The following NPAS3 variants were observed in gnomAD, a reference collection of about 807,000 sequenced individuals.
The protein encoded by NPAS3 is neuronal PAS domain protein 3.
NPAS3 carries 14 observed loss-of-function variants against 73.1 expected under a neutral mutation model. The observed-to-expected ratio is 0.19, with a 90% CI of 0.13 to 0.30. The LOEUF (loss-of-function observed/expected upper bound fraction) is 0.30, where lower values mean the gene tolerates loss of function less well. NPAS3 is among the 10% of genes least tolerant of loss of function. The pLI, the probability that NPAS3 is intolerant of heterozygous loss-of-function variation, is 1.00. For synonymous variants in NPAS3, 620 were observed against 541.5 expected (o/e 1.14, Z -2.01); for missense variants, 1,096 against 1,250.0 (o/e 0.88, Z 1.86).
intron 4 of NPAS3, among the ~76,000 whole-genome samples, chr14:33,454,401 C>T (rs564500026): frequency 6.6e-6 from 1 of 152,216 alleles, no homozygotes; most frequent in East Asian, 1.9e-4. Context: ...GTGGCCCAAC[C>T]ATAAAATGAG....
chr14:33,312,532 C>T (rs966733288), intron 3 of NPAS3, among the ~76,000 whole-genome samples: 5 of 151,952 alleles, frequency 3.3e-5, no homozygotes, highest in African/African-American at 1.2e-4. Flanking sequence ...AAAGTTGCAA[C>T]ATTGGGTTGT....
intron 4 of NPAS3, among the ~76,000 whole-genome samples, chr14:33,546,410 C>T (rs2054845740): frequency 6.6e-6 from 1 of 152,186 alleles, no homozygotes; most frequent in Non-Finnish European, 1.5e-5. Context: ...TTCAAACTTC[C>T]TAATATACTA....
chr14:33,467,898 G>A lies in NPAS3; in HGVS notation c.469-92223G>A, dbSNP rs577478805. ...TGATAAATCATCATGCTTGCAACAC[G>A]CACGTCAGAAGAGACTTGAACTAGA... On this transcript the variant is annotated intron_variant, in intron 4 of 11. Transcript: ENST00000356141. 3.4e-3 allele frequency among the ~76,000 whole-genome samples: 519 copies of A among 152,284 alleles called. 2 individuals carry two copies. The highest frequency in any genetic ancestry group is 5.8e-3 in the Non-Finnish European group (395 of 68,012).
intron 6 of NPAS3, among the ~76,000 whole-genome samples, chr14:33,684,177 A>T (rs1404890590): frequency 2.0e-5 from 3 of 151,978 alleles, no homozygotes; most frequent in Non-Finnish European, 4.4e-5. Context: ...TTCTGAAGTT[A>T]AGAGAGAAAC....
intron 7 of NPAS3, among the ~76,000 whole-genome samples, chr14:33,743,332 A>G (rs1188682984): frequency 6.6e-6 from 1 of 152,180 alleles, no homozygotes; most frequent in Non-Finnish European, 1.5e-5. Context: ...ACCCCCCTGT[A>G]TGTTGCCATT....
chr14:33,228,963 C>T (rs1356983640), intron 3 of NPAS3, among the ~76,000 whole-genome samples: 1 of 152,020 alleles, frequency 6.6e-6, no homozygotes, highest in Admixed American at 6.6e-5. Flanking sequence ...GAAGTATTTG[C>T]CAGGTCTATA....
intron 5 of NPAS3, among the ~76,000 whole-genome samples, chr14:33,649,943 T>A (rs972021438): frequency 1.3e-5 from 2 of 152,178 alleles, no homozygotes; most frequent in Admixed American, 1.3e-4. Flanking sequence ...ATATATTTTC[T>A]GGCAAAGGTC....
At chr14:33,285,106 A>T (rs1361216609) in intron 3 of NPAS3, among the ~76,000 whole-genome samples, 1 of 152,208 alleles carries the variant, frequency 6.6e-6, no homozygotes, top group East Asian at 1.9e-4. Context: ...AGTCATATGG[A>T]AAATGAGAAC....
rs118153618 is a variant in NPAS3, at chr14:33,159,891, C to T, written c.141-55291C>T. Among the ~76,000 whole-genome samples, 278 of 152,224 alleles carry T rather than the reference C, an allele frequency of 1.8e-3. 1 individual carries two copies. Among genetic ancestry groups the T allele is most frequent in the Non-Finnish European group, 3.2e-3 (215 of 68,008 alleles). On this transcript the variant is annotated intron_variant, in intron 2 of 11. Transcript: ENST00000356141. ...TACTAGTTTACTATTACCTATAACA[C>T]CCGTAAGAAAAATTTTTTACATATA...
intron 3 of NPAS3, among the ~76,000 whole-genome samples, chr14:33,244,146 A>G (rs1047390134): frequency 6.6e-6 from 1 of 151,980 alleles, no homozygotes; most frequent in Non-Finnish European, 1.5e-5. Flanking sequence ...GTTAAAAAAA[A>G]AAAAAACTAT....
At chr14:33,425,918 G>C (rs1182395407) in intron 4 of NPAS3, among the ~76,000 whole-genome samples, 1 of 152,054 alleles carries the variant, frequency 6.6e-6, no homozygotes, top group Non-Finnish European at 1.5e-5. Flanking sequence ...TCAGAAACTT[G>C]GGTGGGACCT....
intron 9 of NPAS3, among the ~76,000 whole-genome samples, chr14:33,785,130 G>A (rs955534087): frequency 6.6e-6 from 1 of 151,436 alleles, no homozygotes; most frequent in African/African-American, 2.4e-5. Context: ...ACGATCAGAA[G>A]AAGAAAACAA....
At chr14:33,294,129 G>A (rs1342298484) in intron 3 of NPAS3, among the ~76,000 whole-genome samples, 1 of 152,168 alleles carries the variant, frequency 6.6e-6, no homozygotes, top group Non-Finnish European at 1.5e-5. Flanking sequence ...ATGGTCTATG[G>A]AAAGGGTTGG....
At chr14:32,940,504 G>A (rs920939473) in intron 1 of NPAS3, among the ~76,000 whole-genome samples, 1 of 152,160 alleles carries the variant, frequency 6.6e-6, no homozygotes, top group African/African-American at 2.4e-5. Context: ...ATCTCTTTCT[G>A]TCTCCGAAGA....
At chr14:33,281,102 T>A (rs1314336482) in intron 3 of NPAS3, among the ~76,000 whole-genome samples, 1 of 152,184 alleles carries the variant, frequency 6.6e-6, no homozygotes, top group Non-Finnish European at 1.5e-5. Context: ...CTGGATACAT[T>A]TGTCTGAGGG....
chr14:33,712,652 T>C (rs1008608791), intron 6 of NPAS3, among the ~76,000 whole-genome samples: 2 of 152,218 alleles, frequency 1.3e-5, no homozygotes, highest in African/African-American at 4.8e-5. Flanking sequence ...TGGCACACTA[T>C]GTACAATGCT....
intron 4 of NPAS3, among the ~76,000 whole-genome samples, chr14:33,406,900 T>C (rs1428512134): frequency 6.6e-6 from 1 of 152,118 alleles, no homozygotes; most frequent in Non-Finnish European, 1.5e-5. Context: ...CTGAAGCTAC[T>C]AATTTGCCTG....
At chr14:33,784,747 T>TTTTTTTTTTTATTTTTTTTTA (rs2063106630) in intron 9 of NPAS3, among the ~76,000 whole-genome samples, 1 of 103,040 alleles carries the variant, frequency 9.7e-6, no homozygotes, top group African/African-American at 5.3e-5. Context: ...ATTTATTTAT[T>TTTTTTTTTTTATTTTTTTTTA]TTTTTTTTTT....
At chr14:33,690,968 A>G (rs1595448078) in intron 6 of NPAS3, among the ~76,000 whole-genome samples, 1 of 152,244 alleles carries the variant, frequency 6.6e-6, no homozygotes, top group African/African-American at 2.4e-5. Context: ...GTCCCACAAG[A>G]CGAATGTGCT....
Sources: gnomAD v4.1 joint callset for allele counts (sites outside exome capture counted in the v4.1 genomes callset) on GRCh38, gnomAD v4.1.1 for gene constraint, MANE v1.5 for transcripts, NCBI Gene and HGNC (gene_info 2026-07-23, HGNC 2026-07-21) for gene names.